The following FOXO3 variants were observed in gnomAD, a reference collection of about 807,000 sequenced individuals.
FOXO3 encodes forkhead box O3.
FOXO3 carries 4 observed loss-of-function variants against 41.9 expected under a neutral mutation model. The observed-to-expected ratio is 0.10, with a 90% CI of 0.05 to 0.22. The LOEUF is 0.22. Among genes scored for constraint, FOXO3 ranks in the 10% least tolerant of loss-of-function variants. FOXO3 has a pLI of 1.00. For synonymous variants in FOXO3, 318 were observed against 389.3 expected, an observed-to-expected ratio of 0.82 and a Z score of 2.16; for missense variants, 534 against 906.8, an observed-to-expected ratio of 0.59 and a Z score of 5.28.
At chr6:108,577,846 G>A (rs1341103660) in intron 1 of FOXO3, among the ~76,000 whole-genome samples, 7 of 152,146 alleles carry the variant, frequency 4.6e-5, no homozygotes. Flanking sequence ...AAGGGCAAGA[G>A]CATTATTATC....
rs889400259 is a variant in FOXO3 at position 108,634,350 on chromosome 6, T to G, written c.622-29105T>G. ...CTTGGGTGGCGCAAGGTTTCAGAGA[T>G]AAGAATCTGACCTGGGATTGAAGGT... On this transcript the variant is annotated intron_variant, in intron 1 of 2. Transcript: ENST00000406360. Among the ~76,000 whole-genome samples, 106 of 152,218 alleles carry G rather than the reference T, an allele frequency of 7.0e-4. 1 individual carries two copies. The highest frequency in any genetic ancestry group is 2.5e-3 in the African/African-American group (104 of 41,542).
intron 1 of FOXO3, among the ~76,000 whole-genome samples, chr6:108,616,294 A>G (rs1275594324): frequency 1.3e-5 from 2 of 150,576 alleles, no homozygotes; most frequent in African/African-American, 2.5e-5. Flanking sequence ...CCTCCCGAGT[A>G]GCTGGGACTA....
intron 1 of FOXO3, among the ~76,000 whole-genome samples, chr6:108,616,156 G>GTTTTTTTTTTTTT (rs35632295): frequency 3.6e-5 from 2 of 55,124 alleles, no homozygotes; most frequent in Admixed American, 3.1e-4. Context: ...CCCAACTAAG[G>GTTTTTTTTTTTTT]TTTTTTTTTT....
chr6:108,610,588 G>A (rs897210652), intron 1 of FOXO3, among the ~76,000 whole-genome samples: 1 of 152,154 alleles, frequency 6.6e-6, no homozygotes, highest in Non-Finnish European at 1.5e-5. Context: ...TTTGCAAGTA[G>A]ATAGAAGTGA....
chr6:108,570,007 T>C (rs910980785), intron 1 of FOXO3, among the ~76,000 whole-genome samples: 3 of 134,236 alleles, frequency 2.2e-5, no homozygotes, highest in African/African-American at 5.8e-5. Context: ...TTTTTTTTTT[T>C]TTTTTTTTTT....
At chr6:108,634,052 G>A (rs1181529334) in intron 1 of FOXO3, among the ~76,000 whole-genome samples, 1 of 152,268 alleles carries the variant, frequency 6.6e-6, no homozygotes, top group East Asian at 1.9e-4. Context: ...GGGCCTTGGA[G>A]CCAGTTCATC....
intron 1 of FOXO3, among the ~76,000 whole-genome samples, chr6:108,663,230 G>A (rs1422738322): frequency 6.6e-6 from 1 of 152,168 alleles, no homozygotes; most frequent in Non-Finnish European, 1.5e-5. Flanking sequence ...CAATTAACTG[G>A]GCTTGGTGGC....
chr6:108,656,205 A>G (rs900929747), intron 1 of FOXO3: 1 of 216,366 alleles, frequency 4.6e-6, no homozygotes, highest in African/African-American at 2.3e-5. Flanking sequence ...TAAGAGTTAA[A>G]TTACACAACT....
intron 1 of FOXO3, among the ~76,000 whole-genome samples, chr6:108,620,087 A>AAGAG (rs1777625113): frequency 6.6e-6 from 1 of 152,218 alleles, no homozygotes; most frequent in Non-Finnish European, 1.5e-5. Context: ...TTCCTTGGCC[A>AAGAG]AGAGCATGGT....
At chr6:108,669,128 T>A (rs991707953) in intron 2 of FOXO3, among the ~76,000 whole-genome samples, 5 of 151,928 alleles carry the variant, frequency 3.3e-5, no homozygotes, top group Non-Finnish European at 5.9e-5. Context: ...ATAAAAAAAA[T>A]AAAAACTAAA....
intron 2 of FOXO3, among the ~76,000 whole-genome samples, chr6:108,677,900 A>G (rs1265563414): frequency 6.6e-6 from 1 of 152,104 alleles, no homozygotes; most frequent in African/African-American, 2.4e-5. Flanking sequence ...AGTCCAAGGT[A>G]ATATTATCTA....
chr6:108,656,588 G>C (rs894734308), intron 1 of FOXO3: 7 of 853,090 alleles, frequency 8.2e-6, no homozygotes, highest in African/African-American at 3.6e-5. Flanking sequence ...TCTAACAGTT[G>C]TTGGGAGCTG....
rs1775801946 is a variant in FOXO3, at chr6:108,561,845, G to A, written c.621+16G>A. ...CGGCTGGAAGGTGCGTACCCACCCC[G>A]GGCTGGCAGCAGGACCCGCCGGGCC... On this transcript the variant is annotated intron_variant, in intron 1 of 2. Coordinates refer to ENST00000406360, the MANE Select transcript of FOXO3 (RefSeq NM_001455.4). 2.0e-6 allele frequency: 3 copies of A among 1,522,892 alleles called. No individual in the cohort carries two copies. The highest frequency in any genetic ancestry group is 1.4e-5 in the African/African-American group (1 of 69,574). The allele number at this position is 1,522,892 out of a possible 1,614,324, so 94.3% of individuals were successfully genotyped here.
chr6:108,604,043 C>A (rs1777124868), intron 1 of FOXO3, among the ~76,000 whole-genome samples: 1 of 152,084 alleles, frequency 6.6e-6, no homozygotes, highest in African/African-American at 2.4e-5. Context: ...ATGATCACAT[C>A]CTGCAAACAA....
chr6:108,569,108 G>A (rs558562607), intron 1 of FOXO3, among the ~76,000 whole-genome samples: 1 of 152,162 alleles, frequency 6.6e-6, no homozygotes, highest in Non-Finnish European at 1.5e-5. Flanking sequence ...CTGCATTTTG[G>A]GGCAGAAGTC....
At chr6:108,663,308 C>A in intron 1 of FOXO3, 147 bp from the exon 2 acceptor site, 1 of 1,294,380 alleles carries the variant, frequency 7.7e-7, no homozygotes, top group Non-Finnish European at 1.0e-6. Context: ...GGCTGCACCA[C>A]TGCATTCCAG....
chr6:108,673,127 G>A (rs1779264465), intron 2 of FOXO3, among the ~76,000 whole-genome samples: 1 of 152,246 alleles, frequency 6.6e-6, no homozygotes, highest in South Asian at 2.1e-4. Flanking sequence ...TGATAGACCT[G>A]TTGGAAGGTG....
chr6:108,604,282 G>A (rs1393378290), intron 1 of FOXO3, among the ~76,000 whole-genome samples: 3 of 152,118 alleles, frequency 2.0e-5, no homozygotes, highest in African/African-American at 4.8e-5. Flanking sequence ...ACTGGAAAAC[G>A]ACAGTACGCA....
chr6:108,620,757 C>T (rs1777643735), intron 1 of FOXO3, among the ~76,000 whole-genome samples: 1 of 152,068 alleles, frequency 6.6e-6, no homozygotes, highest in Non-Finnish European at 1.5e-5. Flanking sequence ...AGTTTTTAAC[C>T]TGGGGTGGGA....
Sources: allele counts gnomAD v4.1 joint callset (sites outside exome capture counted in the v4.1 genomes callset), GRCh38; gene constraint gnomAD v4.1.1; transcripts MANE v1.5; gene names NCBI Gene and HGNC (gene_info 2026-07-23, HGNC 2026-07-21).